The following LYN variants were observed in gnomAD, a reference collection of about 807,000 sequenced individuals.
LYN encodes the protein LYN proto-oncogene, Src family tyrosine kinase, also known as tyrosine-protein kinase Lyn.
LYN carries 12 observed loss-of-function variants against 65.0 expected under a neutral mutation model. That is an observed-to-expected ratio of 0.18 (90% CI 0.12 to 0.30). The LOEUF (loss-of-function observed/expected upper bound fraction) is 0.30, where lower values mean the gene tolerates loss of function less well. Ranked by LOEUF, LYN falls within the 10% of genes least tolerant of loss-of-function variation. The probability of loss-of-function intolerance (pLI) is 1.00; values close to 1 mark genes in which losing one functional copy is unlikely to be tolerated. For synonymous variants in LYN, 222 were observed against 221.2 expected, an observed-to-expected ratio of 1.00 and a Z score of -0.03; for missense variants, 380 against 623.2, an observed-to-expected ratio of 0.61 and a Z score of 4.16.
At chr8:55,980,004 G>A (rs1363794804) in intron 10 of LYN, among the ~76,000 whole-genome samples, 1 of 152,218 alleles carries the variant, frequency 6.6e-6, no homozygotes, top group African/African-American at 2.4e-5. Flanking sequence ...CCCTGCCCCA[G>A]TAGGGCTCAG....
chr8:55,896,976 G>A (rs1181530160), intron 1 of LYN, among the ~76,000 whole-genome samples: 1 of 152,192 alleles, frequency 6.6e-6, no homozygotes, highest in East Asian at 1.9e-4. Context: ...CTGACCTTAG[G>A]TGATCCGCCT....
chr8:55,903,522 T>G (rs72651467), intron 1 of LYN, among the ~76,000 whole-genome samples: 18,814 of 152,278 alleles, frequency 0.12, 1,525 homozygotes, highest in Middle Eastern at 0.28. Flanking sequence ...AGCTGAATAG[T>G]TTGAAAATTT....
intron 8 of LYN, among the ~76,000 whole-genome samples, chr8:55,966,145 A>T (rs1264911937): frequency 6.6e-6 from 1 of 152,162 alleles, no homozygotes; most frequent in Non-Finnish European, 1.5e-5. Context: ...AATAAATATT[A>T]GCCCTCATGG....
At chr8:55,905,499 G>C (rs1406854045) in intron 1 of LYN, among the ~76,000 whole-genome samples, 2 of 152,198 alleles carry the variant, frequency 1.3e-5, no homozygotes, top group African/African-American at 4.8e-5. Flanking sequence ...TATCCAGTCA[G>C]TTCCCACCTG....
At chr8:55,921,942 A>G (rs1805958211) in intron 1 of LYN, among the ~76,000 whole-genome samples, 1 of 152,216 alleles carries the variant, frequency 6.6e-6, no homozygotes, top group Non-Finnish European at 1.5e-5. Context: ...GGTGTGCAAA[A>G]CTGACAGGAA....
In LYN at chr8:55,969,767, C is replaced by T; in HGVS notation, c.1024C>T (p.Pro342Ser). 2.5e-6 allele frequency: 4 copies of T among 1,614,182 alleles called. No homozygotes were observed. The highest frequency in any genetic ancestry group is 3.4e-6 in the Non-Finnish European group (4 of 1,180,006). ...CGATGAAGGTGGCAAAGTGCTGCTT[C>T]CAAAGCTCATTGACTTTTCTGCTCA... ...KSDEGGKVLL[P>S]KLIDFSAQIA... is the part of the protein sequence containing the mutation. Residue 342 changes from proline (P) to serine (S), a missense_variant, in exon 10 of 13, where the codon CCA (proline) becomes TCA (serine). By Grantham distance (74) the Pro-to-Ser change is moderately conservative. This residue lies in a region of LYN where 223 missense variants were observed against 430.0 expected (regional missense o/e 0.52). Transcript: ENST00000519728.
intron 10 of LYN, among the ~76,000 whole-genome samples, chr8:55,976,409 A>G (rs1807754639): frequency 1.3e-5 from 2 of 151,948 alleles, no homozygotes; most frequent in Admixed American, 1.3e-4. Flanking sequence ...TGGAGAGTAA[A>G]TTCCAGCTGA....
intron 1 of LYN, among the ~76,000 whole-genome samples, chr8:55,880,308 CG>C (rs1490453895): frequency 6.6e-6 from 1 of 151,936 alleles, no homozygotes; most frequent in African/African-American, 2.4e-5. Flanking sequence ...GACGGGTGAC[CG>C]GGCCCGGGGG....
intron 1 of LYN, among the ~76,000 whole-genome samples, chr8:55,882,564 C>G (rs956663869): frequency 6.6e-6 from 1 of 152,182 alleles, no homozygotes; most frequent in Non-Finnish European, 1.5e-5. Context: ...CTCAGTGATG[C>G]ATGGATGAGT....
intron 10 of LYN, among the ~76,000 whole-genome samples, chr8:55,978,411 G>A (rs1451903227): frequency 1.3e-5 from 2 of 152,232 alleles, no homozygotes; most frequent in Non-Finnish European, 2.9e-5. Flanking sequence ...CGGGCACGGG[G>A]TTGAGGTGGC....
chr8:55,964,418 AACATT>A (rs1807385565), intron 8 of LYN, among the ~76,000 whole-genome samples: 1 of 152,220 alleles, frequency 6.6e-6, no homozygotes, highest in Non-Finnish European at 1.5e-5. Context: ...TACAAAATAA[AACATT>A]TTAATAGAGG....
intron 10 of LYN, among the ~76,000 whole-genome samples, chr8:55,996,670 T>G (rs1305784889): frequency 6.6e-6 from 1 of 152,072 alleles, no homozygotes. Context: ...TTCCTTTCCT[T>G]TCTTCCTTCC....
At chr8:55,965,758 G>A (rs1248016742) in intron 8 of LYN, among the ~76,000 whole-genome samples, 2 of 152,044 alleles carry the variant, frequency 1.3e-5, no homozygotes, top group Non-Finnish European at 2.9e-5. Context: ...GTATGTAAGG[G>A]ATTATAGCAT....
intron 4 of LYN, 90 bp downstream of exon 4, chr8:55,947,813 G>A: frequency 1.1e-6 from 1 of 874,662 alleles, no homozygotes. Flanking sequence ...TGGTGCTACA[G>A]CCATAGCCCG....
chr8:55,962,995 C>G (rs887529940), intron 8 of LYN, among the ~76,000 whole-genome samples: 10 of 152,350 alleles, frequency 6.6e-5, no homozygotes, highest in Admixed American at 3.3e-4. Flanking sequence ...TCACTCTTTA[C>G]CACGGGGATG....
chr8:55,988,957 G>C (rs17756527), intron 10 of LYN, among the ~76,000 whole-genome samples: 1 of 152,000 alleles, frequency 6.6e-6, no homozygotes, highest in African/African-American at 2.4e-5. Flanking sequence ...CTCAAAAAGC[G>C]ATAGTAATTA....
intron 1 of LYN, among the ~76,000 whole-genome samples, chr8:55,901,181 A>G (rs1805250516): frequency 6.6e-6 from 1 of 151,958 alleles, no homozygotes; most frequent in Non-Finnish European, 1.5e-5. Flanking sequence ...CCCCCGTAAT[A>G]CTTTATGAAT....
chr8:55,890,924 T>TGA (rs901297002), intron 1 of LYN, among the ~76,000 whole-genome samples: 1 of 151,896 alleles, frequency 6.6e-6, no homozygotes, highest in Non-Finnish European at 1.5e-5. Flanking sequence ...AGATAAGGTT[T>TGA]TGCCATGTTG....
At chr8:55,894,368 T>G (rs962286484) in intron 1 of LYN, among the ~76,000 whole-genome samples, 4 of 89,338 alleles carry the variant, frequency 4.5e-5, no homozygotes, top group African/African-American at 1.3e-4. Context: ...CCAGATTAAC[T>G]TTCTTAATTT....
Sources: gnomAD v4.1 joint callset for allele counts (sites outside exome capture counted in the v4.1 genomes callset) on GRCh38, gnomAD v4.1.1 for gene constraint, gnomAD v4.1.1 regional missense constraint, MANE v1.5 for transcripts, NCBI Gene and HGNC (gene_info 2026-07-23, HGNC 2026-07-21) for gene names.